The following SPAG17 variants were observed in gnomAD, a reference collection of about 807,000 sequenced individuals.
SPAG17 encodes sperm-associated antigen 17.
In SPAG17, 169 loss-of-function variants were observed where a neutral mutation model predicts 273.6. The observed-to-expected ratio is 0.62, with a 90% confidence interval of 0.55 to 0.70. SPAG17 has a LOEUF of 0.70. SPAG17 is among the 30% of genes least tolerant of loss of function. The pLI is 0.00. For missense variants in SPAG17, 2,557 were observed against 2,627.8 expected (o/e 0.97, Z 0.59); for synonymous variants, 825 against 873.2 (o/e 0.94, Z 0.97).
chr1:118,107,294 A>C (rs915627824), intron 4 of SPAG17, among the ~76,000 whole-genome samples: 3 of 151,858 alleles, frequency 2.0e-5, no homozygotes, highest in Non-Finnish European at 4.4e-5. Context: ...GCTGAATCAC[A>C]CTTGCTTGAT....
In SPAG17 at chr1:118,101,962, C is replaced by G. The variant is rs751473813; in HGVS notation, c.448-36G>C. ...AGAACACTTTTTTCTCCAAATCAAA[C>G]AGTGAGCAAGCAATGGCTTTTCTAC... On this transcript the variant is annotated intron_variant, in intron 4 of 48. Transcript: ENST00000336338. 3 of 1,568,554 alleles carry G rather than the reference C, an allele frequency of 1.9e-6. No homozygotes were observed. In the Admixed American group the frequency reaches 5.3e-5, roughly 28 times the overall value.
chr1:117,984,268 A>G (rs1411314013), intron 41 of SPAG17, among the ~76,000 whole-genome samples: 1 of 152,164 alleles, frequency 6.6e-6, no homozygotes, highest in African/African-American at 2.4e-5. Context: ...TCCCTCCCTG[A>G]GCTTCCAAGA....
intron 29 of SPAG17, among the ~76,000 whole-genome samples, chr1:118,013,716 T>C (rs1659697325): frequency 1.3e-5 from 2 of 152,150 alleles, no homozygotes; most frequent in African/African-American, 4.8e-5. Flanking sequence ...CATATTATGA[T>C]TTAGAATTAT....
chr1:118,179,172 G>A (rs1660826492), intron 1 of SPAG17, among the ~76,000 whole-genome samples: 1 of 151,928 alleles, frequency 6.6e-6, no homozygotes, highest in African/African-American at 2.4e-5. Flanking sequence ...AGCAAAGCTA[G>A]AGGCATCAAA....
intron 1 of SPAG17, among the ~76,000 whole-genome samples, chr1:118,165,234 G>A (rs918876942): frequency 2.0e-5 from 3 of 152,140 alleles, no homozygotes; most frequent in Admixed American, 2.0e-4. Flanking sequence ...GTAAATCTAG[G>A]TTGGGGCCTA....
intron 1 of SPAG17, among the ~76,000 whole-genome samples, chr1:118,165,804 C>A (rs1660146987): frequency 6.6e-6 from 1 of 151,992 alleles, no homozygotes; most frequent in Non-Finnish European, 1.5e-5. Context: ...CGCCACCATG[C>A]CCAGCTAATT....
intron 43 of SPAG17, among the ~76,000 whole-genome samples, chr1:117,979,444 C>T (rs1183873302): frequency 6.6e-6 from 1 of 152,118 alleles, no homozygotes; most frequent in Non-Finnish European, 1.5e-5. Flanking sequence ...ATTTCCTTCT[C>T]ACCATTCCCT....
At position 118,083,412 on chromosome 1, in the gene SPAG17, A is replaced by G. The variant is rs1419039773; in HGVS notation, c.1763-1770T>C. 2.6e-5 allele frequency among the ~76,000 whole-genome samples: 4 copies of G among 152,164 alleles called. No individual in the cohort carries two copies. In the East Asian group the frequency reaches 7.7e-4, roughly 29 times the overall value. On this transcript the variant is annotated intron_variant, in intron 13 of 48. Coordinates refer to ENST00000336338, the MANE Select transcript of SPAG17 (RefSeq NM_206996.4). The stretch of plus-strand genomic sequence containing the variant: ...GTAGACCAGCTGGAAAGCTATTGGA[A>G]TAGTCCACTTGAGGGGTGGTGGGGG...
At chr1:118,151,948 A>G (rs1425338300) in intron 1 of SPAG17, among the ~76,000 whole-genome samples, 2 of 152,212 alleles carry the variant, frequency 1.3e-5, no homozygotes, top group Non-Finnish European at 2.9e-5. Context: ...TTTTGCATCA[A>G]ATAATTTTAA....
chr1:118,158,988 A>G (rs1570800723), intron 1 of SPAG17, among the ~76,000 whole-genome samples: 1 of 152,378 alleles, frequency 6.6e-6, no homozygotes, highest in East Asian at 1.9e-4. Context: ...CCTAGCATAT[A>G]GAAGCATTCA....
chr1:118,058,624 T>C (rs1046622773), intron 18 of SPAG17, among the ~76,000 whole-genome samples: 1 of 152,170 alleles, frequency 6.6e-6, no homozygotes, highest in African/African-American at 2.4e-5. Context: ...TTACAAGTGG[T>C]TGTATTAGCT....
chr1:118,151,326 A>T lies in SPAG17; in HGVS notation c.131T>A (p.Ile44Asn). 1 of 1,613,082 alleles carries T rather than the reference A, an allele frequency of 6.2e-7. No individual in the cohort carries two copies. ...GGCTTGGATGAGAAGATCATCTTCA[A>T]TCTGGTTCCCAACCACAAAAGCAAT... ...ASIAFVVGNQ[I>N]EDDLLIQALT... The change falls in exon 2 of 49, where the codon ATT becomes AAT. Residue 44 changes from isoleucine to asparagine, a missense_variant. Physicochemically the swap from Ile to Asn is moderately radical, Grantham distance 149 (BLOSUM62 -3). Coordinates refer to ENST00000336338, the MANE Select transcript of SPAG17 (RefSeq NM_206996.4).
At chr1:118,151,153 T>G in intron 2 of SPAG17, 76 bp downstream of exon 2, 1 of 1,232,448 alleles carries the variant, frequency 8.1e-7, no homozygotes, top group South Asian at 3.0e-5. Context: ...AATATGATAG[T>G]TTATTTTATA....
Position 118,118,884 on chromosome 1 carries a change from CA to C in SPAG17, c.316-3444del, listed in dbSNP as rs1657254438. Among the ~76,000 whole-genome samples the C allele has an allele frequency of 3.9e-5, 6 of 152,282 alleles. No homozygotes were observed. The South Asian group carries it at 1.2e-3, about 32-fold the overall frequency. On this transcript the variant is annotated intron_variant, in intron 3 of 48. Coordinates refer to ENST00000336338, the MANE Select transcript of SPAG17 (RefSeq NM_206996.4). ...TATTTCCTTTATCATTGTCCTGGCT[CA>C]AAGAATTACATCATATTTACTATCT...
At chr1:117,975,069 C>T (rs1654989478) in intron 43 of SPAG17, among the ~76,000 whole-genome samples, 1 of 152,138 alleles carries the variant, frequency 6.6e-6, no homozygotes, top group Non-Finnish European at 1.5e-5. Flanking sequence ...AGCGATAACC[C>T]CATCTTGCAT....
At chr1:118,028,142 A>G (rs910253893) in intron 26 of SPAG17, 132 bp downstream of exon 26, 2 of 1,085,362 alleles carry the variant, frequency 1.8e-6, no homozygotes, top group South Asian at 3.3e-5. Flanking sequence ...AGTAAATGCT[A>G]CAAATGTGAA....
At position 117,994,497 on chromosome 1, in the gene SPAG17, T is replaced by C. The variant is rs866358378; in HGVS notation, c.5087A>G (p.His1696Arg). 6.2e-6 allele frequency: 10 copies of C among 1,612,814 alleles called. No individual in the cohort carries two copies. The highest frequency in any genetic ancestry group is 2.2e-5 in the South Asian group (2 of 90,992). Residue 1696 changes from histidine (H) to arginine (R), a missense_variant, in exon 35 of 49, where the codon CAT becomes CGT. His to Arg is a conservative substitution (Grantham distance 29). Transcript: ENST00000336338. ...TTTTACTTGCCATGGTGATGCTTCA[T>C]GGAAAGGGCGAAGGACTGTGATGGT... ...TLTITVLRPF[H>R]EASPWQVKKE...
chr1:118,113,650 A>T (rs1265132083), intron 4 of SPAG17, among the ~76,000 whole-genome samples: 1 of 152,124 alleles, frequency 6.6e-6, no homozygotes. Context: ...TTAATTGCTC[A>T]AAAGTTCTCT....
chr1:118,057,384 G>A (rs773439413), intron 18 of SPAG17, among the ~76,000 whole-genome samples: 59 of 152,146 alleles, frequency 3.9e-4, no homozygotes, highest in African/African-American at 1.3e-3. Context: ...ACATAGCAAT[G>A]AGGGTGATCC....
Sources: gnomAD v4.1 joint callset for allele counts (sites outside exome capture counted in the v4.1 genomes callset) on GRCh38, gnomAD v4.1.1 for gene constraint, MANE v1.5 for transcripts, NCBI Gene and HGNC (gene_info 2026-07-23, HGNC 2026-07-21) for gene names.